NRG3: variants seen among roughly 807,000 people sequenced by gnomAD.
NRG3 encodes pro-neuregulin-3, membrane-bound isoform.
NRG3 carries 31 observed loss-of-function variants against 66.9 expected under a neutral mutation model. The ratio of observed to expected loss-of-function variants is 0.46; its 90% CI spans 0.35 to 0.63. NRG3 has a LOEUF of 0.63. Ranked by LOEUF, NRG3 falls within the 20% of genes least tolerant of loss-of-function variation. The probability of loss-of-function intolerance (pLI) is 0.00; values close to 1 mark genes in which losing one functional copy is unlikely to be tolerated. For synonymous variants in NRG3, 393 were observed against 359.4 expected (o/e 1.09, Z -1.06); for missense variants, 910 against 878.9 (o/e 1.04, Z -0.45).
chr10:82,427,532 A>T (rs2089525732), intron 2 of NRG3, among the ~76,000 whole-genome samples: 1 of 152,194 alleles, frequency 6.6e-6, no homozygotes, highest in East Asian at 1.9e-4. Flanking sequence ...TACAATAAGT[A>T]AAAAATGTTT....
At chr10:82,100,179 T>C in intron 1 of NRG3, among the ~76,000 whole-genome samples, 1 of 152,226 alleles carries the variant, frequency 6.6e-6, no homozygotes, top group Non-Finnish European at 1.5e-5. Context: ...TTGCTTATCT[T>C]TTATTTCCAA....
intron 1 of NRG3, among the ~76,000 whole-genome samples, chr10:82,300,384 A>G (rs1250341303): frequency 6.6e-6 from 1 of 152,322 alleles, no homozygotes; most frequent in Admixed American, 6.5e-5. Context: ...GAAAATACCC[A>G]TAATCAAAAG....
intron 1 of NRG3, 135 bp downstream of exon 1, chr10:81,876,298 A>G (rs1414232522): frequency 2.3e-6 from 3 of 1,288,046 alleles, no homozygotes; most frequent in Non-Finnish European, 3.1e-6. Context: ...GTGAGAGCTG[A>G]TTAAAACTGG....
At chr10:82,786,081 C>G (rs1482966137) in intron 3 of NRG3, among the ~76,000 whole-genome samples, 2 of 152,142 alleles carry the variant, frequency 1.3e-5, no homozygotes, top group East Asian at 3.9e-4. Flanking sequence ...GAGGAAATGT[C>G]CAGCAGAGCC....
intron 2 of NRG3, among the ~76,000 whole-genome samples, chr10:82,377,435 CGTGTGTGTGTGTGT>C (rs200662785): frequency 8.3e-5 from 11 of 132,222 alleles, no homozygotes; most frequent in Admixed American, 1.5e-4. Context: ...TGTGTGTGCG[CGTGTGTGTGTGTGT>C]GTGTGTGTGC....
chr10:82,133,027 G>T (rs2069049192), intron 1 of NRG3, among the ~76,000 whole-genome samples: 1 of 150,886 alleles, frequency 6.6e-6, no homozygotes, highest in South Asian at 2.1e-4. Context: ...TCATTTTGTT[G>T]ATTTTTTGTA....
intron 2 of NRG3, among the ~76,000 whole-genome samples, chr10:82,706,672 T>C (rs1434241014): frequency 6.6e-6 from 1 of 152,220 alleles, no homozygotes; most frequent in Non-Finnish European, 1.5e-5. Flanking sequence ...TTTTGAATAT[T>C]TTATTCCAGA....
chr10:82,314,544 C>T (rs991622115), intron 1 of NRG3, among the ~76,000 whole-genome samples: 1 of 152,138 alleles, frequency 6.6e-6, no homozygotes, highest in African/African-American at 2.4e-5. Context: ...CACAGTGGCT[C>T]ACGTCTGTAA....
At chr10:81,929,928 C>T (rs973323734) in intron 1 of NRG3, among the ~76,000 whole-genome samples, 1 of 152,106 alleles carries the variant, frequency 6.6e-6, no homozygotes, top group Non-Finnish European at 1.5e-5. Context: ...TAAAAGAAAC[C>T]TCGGTAATCA....
In NRG3 at chr10:82,964,948, C is replaced by T. The variant is rs111956972; in HGVS notation, c.1284+5873C>T. 6.8e-3 allele frequency among the ~76,000 whole-genome samples: 1,042 copies of T among 152,312 alleles called. 11 individuals are homozygous for T. The highest frequency in any genetic ancestry group is 0.024 in the African/African-American group (982 of 41,566). On this transcript the variant is annotated intron_variant, in intron 6 of 8. Transcript: ENST00000372141. ...TTTGACTGGCCTATTGATTTCGGTG[C>T]ACCACCTACAATGTGCTAGGAGCAA...
chr10:82,526,949 G>C (rs192977823), intron 2 of NRG3, among the ~76,000 whole-genome samples: 32 of 152,078 alleles, frequency 2.1e-4, no homozygotes, highest in Admixed American at 1.7e-3. Context: ...TCACCATTTT[G>C]GAAATGTTGG....
At chr10:82,563,470 G>C (rs2045189961) in intron 2 of NRG3, among the ~76,000 whole-genome samples, 1 of 151,922 alleles carries the variant, frequency 6.6e-6, no homozygotes, top group African/African-American at 2.4e-5. Flanking sequence ...ACCTCTGAGA[G>C]TCAGCCTGTT....
chr10:82,163,922 A>AT lies in NRG3; in HGVS notation c.824-194801dup, dbSNP rs555595801. Among the ~76,000 whole-genome samples the AT allele has an allele frequency of 3.6e-3, 540 of 148,478 alleles. 3 individuals are homozygous for AT. Among genetic ancestry groups the AT allele is most frequent in the African/African-American group, 0.013 (514 of 40,144 alleles). On this transcript the variant is annotated intron_variant, in intron 1 of 8. Coordinates refer to ENST00000372141, the MANE Select transcript of NRG3 (RefSeq NM_001010848.4). ...TATAGGTTTTTGTTTCTCTCTTAAA[A>AT]TTTTTTTTTTTTTTTTGAGATGGAG...
chr10:82,585,396 C>A (rs2046611192), intron 2 of NRG3, among the ~76,000 whole-genome samples: 1 of 152,134 alleles, frequency 6.6e-6, no homozygotes, highest in Non-Finnish European at 1.5e-5. Context: ...AGTTTAGGTT[C>A]ATGAACGAGT....
intron 3 of NRG3, among the ~76,000 whole-genome samples, chr10:82,844,167 T>C (rs2063198203): frequency 6.6e-6 from 1 of 152,064 alleles, no homozygotes. Context: ...GAAAGCTAGC[T>C]AGCTAATATG....
intron 2 of NRG3, among the ~76,000 whole-genome samples, chr10:82,371,574 A>G (rs187115966): frequency 6.6e-6 from 1 of 152,230 alleles, no homozygotes; most frequent in East Asian, 1.9e-4. Flanking sequence ...ATTCAATATG[A>G]CAAGTTCTGT....
chr10:82,599,610 T>C (rs1387237264), intron 2 of NRG3, among the ~76,000 whole-genome samples: 2 of 152,038 alleles, frequency 1.3e-5, no homozygotes, highest in Non-Finnish European at 2.9e-5. Context: ...GTTCAGGAGT[T>C]TGAGACCAAC....
At chr10:82,806,520 T>C (rs556872849) in intron 3 of NRG3, among the ~76,000 whole-genome samples, 10 of 152,342 alleles carry the variant, frequency 6.6e-5, no homozygotes, top group Admixed American at 6.5e-5. Context: ...GGACCTACAA[T>C]TAATGTGAGA....
At chr10:82,070,527 A>G (rs370374156) in intron 1 of NRG3, among the ~76,000 whole-genome samples, 1 of 152,178 alleles carries the variant, frequency 6.6e-6, no homozygotes, top group Non-Finnish European at 1.5e-5. Context: ...TAATATAAAA[A>G]TGTTAAATGT....
Sources: gnomAD v4.1 joint callset for allele counts (sites outside exome capture counted in the v4.1 genomes callset) on GRCh38, gnomAD v4.1.1 for gene constraint, MANE v1.5 for transcripts, NCBI Gene and HGNC (gene_info 2026-07-23, HGNC 2026-07-21) for gene names.